BCAS3: variants seen among roughly 807,000 people sequenced by gnomAD.
The protein encoded by BCAS3 is BCAS3 microtubule associated cell migration factor.
BCAS3 carries 53 observed loss-of-function variants against 116.1 expected under a neutral mutation model. That is an observed-to-expected ratio of 0.46 (90% confidence interval 0.37 to 0.57). BCAS3 has a LOEUF of 0.57. Among genes scored for constraint, BCAS3 ranks in the 20% least tolerant of loss-of-function variants. The pLI is 0.00. For synonymous variants in BCAS3, 391 were observed against 408.2 expected, an observed-to-expected ratio of 0.96 and a Z score of 0.51; for missense variants, 917 against 1,165.4, an observed-to-expected ratio of 0.79 and a Z score of 3.10.
At chr17:60,784,553 T>C (rs1308025786) in intron 6 of BCAS3, among the ~76,000 whole-genome samples, 1 of 151,570 alleles carries the variant, frequency 6.6e-6, no homozygotes, top group Non-Finnish European at 1.5e-5. Flanking sequence ...TCTGCTCACC[T>C]CAGCCTCCCA....
Position 61,077,581 on chromosome 17 carries a change from A to G in BCAS3, c.2131-752A>G, listed in dbSNP as rs888090082. Among the ~76,000 whole-genome samples, 1 of 152,164 alleles carries G rather than the reference A, an allele frequency of 6.6e-6. No individual in the cohort carries two copies. Among genetic ancestry groups the G allele is most frequent in the Non-Finnish European group, 1.5e-5 (1 of 68,020 alleles). ...GCAACATTCCCTATCCCCCCCATTG[A>G]GCGTGAAATTCATAAAGCATTTTGG... On this transcript the variant is annotated intron_variant, in intron 20 of 23. Transcript: ENST00000407086. The surrounding 1 kb of genome is among the most constrained non-coding windows in gnomAD (Gnocchi z 4.3).
rs1279471758 is a variant in BCAS3, at chr17:61,348,461, T to TA, written c.2426-19865dup. On this transcript the variant is annotated intron_variant, in intron 22 of 23. Transcript: ENST00000407086. The surrounding 1 kb of genome is among the most constrained non-coding windows in gnomAD (Gnocchi z 4.5). ...GGTAGTACTGGGTATTTGTAAGCGT[T>TA]AGAGTAGCTGAACTCACCCAAGAAT... 6.6e-6 allele frequency among the ~76,000 whole-genome samples: 1 copy of TA among 152,018 alleles called. No homozygotes were observed. Among genetic ancestry groups the TA allele is most frequent in the African/African-American group, 2.4e-5 (1 of 41,376 alleles).
chr17:60,691,645 A>G (rs1359757253), intron 4 of BCAS3, among the ~76,000 whole-genome samples: 1 of 150,596 alleles, frequency 6.6e-6, no homozygotes, highest in Non-Finnish European at 1.5e-5. Context: ...ATTCCTTATT[A>G]GATATATGAT....
At chr17:60,924,317 AGTGGTT>A (rs2059255920) in intron 12 of BCAS3, 84 bp from the exon 13 acceptor site, 1 of 1,005,516 alleles carries the variant, frequency 9.9e-7, no homozygotes. Flanking sequence ...TTATTTGGTC[AGTGGTT>A]TGTGATGTGC....
At chr17:60,847,117 G>T (rs2052610194) in intron 7 of BCAS3, among the ~76,000 whole-genome samples, 1 of 152,056 alleles carries the variant, frequency 6.6e-6, no homozygotes, top group South Asian at 2.1e-4. Context: ...CATAATGTTT[G>T]GGAGGTTCAT....
Position 61,244,871 on chromosome 17 carries a change from T to A in BCAS3, c.2426-123456T>A, listed in dbSNP as rs555527379. On this transcript the variant is annotated intron_variant, in intron 22 of 23. Coordinates refer to ENST00000407086, the MANE Select transcript of BCAS3 (RefSeq NM_017679.5). This position sits in a 1 kb window ranked among gnomAD's most constrained non-coding sequence, Gnocchi z 4.9. Reference sequence around the variant, plus strand: ...GAGTGAGACTCCGTCTCAAAAAAAATAAATAAATAAAAAAGGATATATAGG... The same window carrying A: ...GAGTGAGACTCCGTCTCAAAAAAAAAAAATAAATAAAAAAGGATATATAGG... Among the ~76,000 whole-genome samples, 2 of 152,068 alleles carry A rather than the reference T, an allele frequency of 1.3e-5. No individual in the cohort carries two copies. The highest frequency in any genetic ancestry group is 6.6e-5 in the Admixed American group (1 of 15,258).
intron 18 of BCAS3, among the ~76,000 whole-genome samples, chr17:61,040,538 T>A (rs1247460336): frequency 1.3e-5 from 2 of 152,238 alleles, no homozygotes; most frequent in Non-Finnish European, 2.9e-5. Flanking sequence ...CCTATCCTGT[T>A]GGAGGGTCTT....
chr17:61,315,712 C>T lies in BCAS3; in HGVS notation c.2426-52615C>T, dbSNP rs1341180841. On this transcript the variant is annotated intron_variant, in intron 22 of 23. Coordinates refer to ENST00000407086, the MANE Select transcript of BCAS3 (RefSeq NM_017679.5). The surrounding 1 kb of genome is among the most constrained non-coding windows in gnomAD (Gnocchi z 5.3). ...AGGCTGACTGACCCCCCGTTTCATG[C>T]CCCACGCCTTTGCTGGTACTGGTCC... is the stretch of plus-strand genomic sequence containing the variant. 6.6e-6 allele frequency among the ~76,000 whole-genome samples: 1 copy of T among 152,144 alleles called. No homozygotes were observed. The highest frequency in any genetic ancestry group is 2.4e-5 in the African/African-American group (1 of 41,424).
chr17:60,925,205 A>G (rs2059308347), intron 13 of BCAS3, among the ~76,000 whole-genome samples: 1 of 152,066 alleles, frequency 6.6e-6, no homozygotes, highest in Admixed American at 6.6e-5. Context: ...ATGCTTGGCC[A>G]GATTTTTTTC....
chr17:60,710,363 A>G (rs2037707316), intron 5 of BCAS3, among the ~76,000 whole-genome samples: 1 of 152,104 alleles, frequency 6.6e-6, no homozygotes, highest in African/African-American at 2.4e-5. Context: ...ATTCTCAAGT[A>G]CAGAATTTGA....
rs1178080699 is a variant in BCAS3, at chr17:61,235,716, G to A, written c.2426-132611G>A. Among the ~76,000 whole-genome samples, 1 of 151,300 alleles carries A rather than the reference G, an allele frequency of 6.6e-6. No individual in the cohort carries two copies. Among genetic ancestry groups the A allele is most frequent in the African/African-American group, 2.4e-5 (1 of 41,208 alleles). Reference sequence around the variant, plus strand: ...TGAATTGTTTAAAAAAAAAAAAAAGGAGAAGAAGGAGAAAGAAAGACAAGG... The same window carrying A: ...TGAATTGTTTAAAAAAAAAAAAAAGAAGAAGAAGGAGAAAGAAAGACAAGG... On this transcript the variant is annotated intron_variant, in intron 22 of 23. Coordinates refer to ENST00000407086, the MANE Select transcript of BCAS3 (RefSeq NM_017679.5). This position sits in a 1 kb window ranked among gnomAD's most constrained non-coding sequence, Gnocchi z 5.0.
chr17:61,192,246 C>CAAAAAAAAAAAAAAAAA (rs60456812), intron 22 of BCAS3, among the ~76,000 whole-genome samples: 1,151 of 70,452 alleles, frequency 0.016, 169 homozygotes, highest in Non-Finnish European at 0.023. Flanking sequence ...GCTCTGTTAC[C>CAAAAAAAAAAAAAAAAA]AAAAAAAAAA....
At position 61,091,573 on chromosome 17, in the gene BCAS3, CT is replaced by C. The variant is rs199631923; in HGVS notation, c.2425+7010del. On this transcript the variant is annotated intron_variant, in intron 22 of 23. Coordinates refer to ENST00000407086, the MANE Select transcript of BCAS3 (RefSeq NM_017679.5). ...AAACTTAGAAACAAACAAAGAGCCCCTCTCCATTGAATAGTAAGCCCAGTGG... is the reference window on the plus strand; with the variant it reads ...AAACTTAGAAACAAACAAAGAGCCCCCTCCATTGAATAGTAAGCCCAGTGG... Among the ~76,000 whole-genome samples the C allele has an allele frequency of 5.9e-3, 899 of 152,294 alleles. 13 individuals are homozygous for C. Among genetic ancestry groups the C allele is most frequent in the South Asian group, 0.021 (99 of 4,828 alleles).
chr17:61,386,357 C>G (rs1017439546), intron 23 of BCAS3, among the ~76,000 whole-genome samples: 1 of 152,206 alleles, frequency 6.6e-6, no homozygotes, highest in African/African-American at 2.4e-5. Context: ...CATCCTCCTG[C>G]TCACTGCTGG....
chr17:61,254,853 C>T (rs1248324698), intron 22 of BCAS3, among the ~76,000 whole-genome samples: 2 of 150,156 alleles, frequency 1.3e-5, no homozygotes, highest in Non-Finnish European at 3.0e-5. Flanking sequence ...CTGGAAAAGT[C>T]GTTCATCCTG....
chr17:60,873,257 C>A (rs191763048), intron 8 of BCAS3, among the ~76,000 whole-genome samples: 23 of 151,430 alleles, frequency 1.5e-4, no homozygotes, highest in Middle Eastern at 3.4e-3. Flanking sequence ...ACAGGCCCAG[C>A]TAGAAAAAAA....
intron 6 of BCAS3, among the ~76,000 whole-genome samples, chr17:60,775,356 A>G (rs1169128414): frequency 1.3e-5 from 2 of 152,200 alleles, no homozygotes; most frequent in East Asian, 3.8e-4. Flanking sequence ...AGGGACTACT[A>G]TGATTCTTGC....
In BCAS3 at chr17:60,994,005, T is replaced by G. The variant is rs891203859; in HGVS notation, c.1486+3770T>G. ...CTACTTGAGGACTTCTTGTGATCCA[T>G]GAACAGGATAGGAAAAAAATTTACA... On this transcript the variant is annotated intron_variant, in intron 15 of 23. Coordinates refer to ENST00000407086, the MANE Select transcript of BCAS3 (RefSeq NM_017679.5). The surrounding 1 kb of genome is among the most constrained non-coding windows in gnomAD (Gnocchi z 4.4). Among the ~76,000 whole-genome samples, 40 of 152,240 alleles carry G rather than the reference T, an allele frequency of 2.6e-4. No homozygotes were observed. The highest frequency in any genetic ancestry group is 9.4e-4 in the African/African-American group (39 of 41,572).
intron 6 of BCAS3, among the ~76,000 whole-genome samples, chr17:60,781,411 CA>C (rs1313704106): frequency 1.3e-5 from 2 of 151,790 alleles, no homozygotes; most frequent in African/African-American, 4.8e-5. Context: ...CCAGCCTGGC[CA>C]ACGTGGTGAA....
Sources: allele counts gnomAD v4.1 joint callset (sites outside exome capture counted in the v4.1 genomes callset), GRCh38; gene constraint gnomAD v4.1.1; non-coding constraint Gnocchi (gnomAD v3.1); transcripts MANE v1.5; gene names NCBI Gene and HGNC (gene_info 2026-07-23, HGNC 2026-07-21).